CSRNP3: variants seen among roughly 807,000 people sequenced by gnomAD.
CSRNP3 encodes the protein cysteine and serine rich nuclear protein 3, also known as cysteine/serine-rich nuclear protein 3.
Under a neutral mutation model 48.0 loss-of-function variants are expected in CSRNP3, and 12 were observed. The observed-to-expected ratio is 0.25, with a 90% CI of 0.16 to 0.41. CSRNP3 has a LOEUF of 0.41. Among genes scored for constraint, CSRNP3 ranks in the 10% least tolerant of loss-of-function variants. The pLI is 1.00. For missense variants in CSRNP3, 580 were observed against 724.4 expected, an observed-to-expected ratio of 0.80 and a Z score of 2.29; for synonymous variants, 263 against 269.7, an observed-to-expected ratio of 0.98 and a Z score of 0.24.
At chr2:165,586,242 T>TTTGGTAAATTCATGATTCACCC (rs1212570456) in intron 3 of CSRNP3, among the ~76,000 whole-genome samples, 1 of 152,168 alleles carries the variant, frequency 6.6e-6, no homozygotes, top group Non-Finnish European at 1.5e-5. Context: ...ATGATTCACC[T>TTTGGTAAATTCATGATTCACCC]TTGGTAAATT....
intron 4 of CSRNP3, among the ~76,000 whole-genome samples, chr2:165,602,502 T>G (rs1360526704): frequency 1.3e-5 from 2 of 152,152 alleles, no homozygotes; most frequent in African/African-American, 4.8e-5. Flanking sequence ...AATCATTAGG[T>G]GTTTATTGTT....
intron 5 of CSRNP3, among the ~76,000 whole-genome samples, chr2:165,661,234 G>A (rs1404605503): frequency 6.6e-6 from 1 of 152,134 alleles, no homozygotes; most frequent in Non-Finnish European, 1.5e-5. Flanking sequence ...ACAAAATATA[G>A]ATGCCCCTCA....
At chr2:165,617,288 G>A (rs1164771691) in intron 4 of CSRNP3, among the ~76,000 whole-genome samples, 1 of 150,716 alleles carries the variant, frequency 6.6e-6, no homozygotes, top group Non-Finnish European at 1.5e-5. Flanking sequence ...GCTTCTTCCA[G>A]TTTTATGGAG....
chr2:165,658,084 A>G (rs10803800), intron 5 of CSRNP3, 64 bp downstream of exon 5: 1,124,785 of 1,526,266 alleles, frequency 0.74, 416,844 homozygotes, highest in South Asian at 0.78. Flanking sequence ...TGAGTTAACC[A>G]TTTTCATATT....
intron 2 of CSRNP3, among the ~76,000 whole-genome samples, chr2:165,516,846 G>C (rs1684589011): frequency 6.6e-6 from 1 of 152,088 alleles, no homozygotes; most frequent in African/African-American, 2.4e-5. Flanking sequence ...AAGGAAAAAA[G>C]AGAATCTTGG....
chr2:165,477,983 G>A (rs1221631459), intron 1 of CSRNP3, among the ~76,000 whole-genome samples: 2 of 147,902 alleles, frequency 1.4e-5, no homozygotes, highest in African/African-American at 5.0e-5. Context: ...TCAAAGAAAA[G>A]AAAGAAAGAA....
At position 165,679,467 on chromosome 2, in the gene CSRNP3, C is replaced by T. The variant is rs140687161; in HGVS notation, c.1472C>T (p.Ser491Phe). The change falls in exon 7 of 7, where the codon TCC (serine) becomes TTC (phenylalanine). Residue 491 changes from serine to phenylalanine, a missense_variant. Around this residue, in one of 4 missense-constraint regions of CSRNP3, gnomAD observed 369 missense variants for 380.8 expected, o/e 0.97. Coordinates refer to ENST00000651982, the MANE Select transcript of CSRNP3 (RefSeq NM_001172173.2). ...ARQAEEAYGA[S>F]HYPAANPSVI... is the part of the protein sequence containing the mutation. ...CAAGCAGAAGAGGCCTATGGTGCCTCCCACTACCCAGCTGCCAACCCCTCT... is the reference window on the plus strand; with the variant it reads ...CAAGCAGAAGAGGCCTATGGTGCCTTCCACTACCCAGCTGCCAACCCCTCT... The T allele has an allele frequency of 1.9e-6, 3 of 1,613,240 alleles. No homozygotes were observed. Among genetic ancestry groups the T allele is most frequent in the African/African-American group, 2.7e-5 (2 of 74,674 alleles).
At chr2:165,671,902 A>T (rs1299368722) in intron 5 of CSRNP3, among the ~76,000 whole-genome samples, 2 of 152,166 alleles carry the variant, frequency 1.3e-5, no homozygotes, top group Non-Finnish European at 2.9e-5. Flanking sequence ...ACATATCTCT[A>T]GAGCGGGGAA....
chr2:165,586,302 G>A (rs1309014400), intron 3 of CSRNP3, among the ~76,000 whole-genome samples: 1 of 152,070 alleles, frequency 6.6e-6, no homozygotes, highest in Non-Finnish European at 1.5e-5. Flanking sequence ...GGTTTCAAGG[G>A]CAGGAATTTT....
chr2:165,590,249 T>C (rs1685694644), intron 3 of CSRNP3, among the ~76,000 whole-genome samples: 1 of 152,202 alleles, frequency 6.6e-6, no homozygotes, highest in Non-Finnish European at 1.5e-5. Context: ...ATCTTCCTAT[T>C]GCTGTCAGTT....
At chr2:165,520,586 A>T (rs1278124818) in intron 3 of CSRNP3, among the ~76,000 whole-genome samples, 1 of 151,682 alleles carries the variant, frequency 6.6e-6, no homozygotes, top group Non-Finnish European at 1.5e-5. Flanking sequence ...GTCTTCCAAA[A>T]GGCAGGTATT....
chr2:165,514,311 G>T (rs1478677814), intron 2 of CSRNP3, among the ~76,000 whole-genome samples: 2 of 152,222 alleles, frequency 1.3e-5, no homozygotes, highest in African/African-American at 4.8e-5. Flanking sequence ...CAGTTTGGTT[G>T]TGATAACCTC....
chr2:165,592,438 A>G (rs1685733521), intron 3 of CSRNP3, among the ~76,000 whole-genome samples: 1 of 152,154 alleles, frequency 6.6e-6, no homozygotes, highest in South Asian at 2.1e-4. Context: ...TTGGAAAGCC[A>G]TGATTGTGTT....
chr2:165,613,700 G>T (rs1344774109), intron 4 of CSRNP3, among the ~76,000 whole-genome samples: 1 of 152,110 alleles, frequency 6.6e-6, no homozygotes, highest in Non-Finnish European at 1.5e-5. Flanking sequence ...TTGAAAACAG[G>T]TTGGCTGTAA....
Position 165,524,713 on chromosome 2 carries a change from C to T in CSRNP3, c.-24+6752C>T, listed in dbSNP as rs111973786. On this transcript the variant is annotated intron_variant, in intron 3 of 6. Transcript: ENST00000651982. Reference sequence around the variant, plus strand: ...ACACAGAGAATGTAATCTTTACCATCTGACCTCTTTCATAATGCATTGAGA... The same window carrying T: ...ACACAGAGAATGTAATCTTTACCATTTGACCTCTTTCATAATGCATTGAGA... Among the ~76,000 whole-genome samples, 19 of 152,304 alleles carry T rather than the reference C, an allele frequency of 1.2e-4. 2 individuals carry two copies. Among genetic ancestry groups the T allele is most frequent in the African/African-American group, 3.8e-4 (16 of 41,568 alleles).
chr2:165,541,668 C>T (rs1684959457), intron 3 of CSRNP3, among the ~76,000 whole-genome samples: 1 of 152,074 alleles, frequency 6.6e-6, no homozygotes, highest in Admixed American at 6.6e-5. Context: ...TATACAATAT[C>T]TCCTAAACTC....
At chr2:165,471,767 T>C (rs1574789543) in intron 1 of CSRNP3, among the ~76,000 whole-genome samples, 1 of 151,874 alleles carries the variant, frequency 6.6e-6, no homozygotes, top group South Asian at 2.1e-4. Context: ...CTGCAAGTCT[T>C]ATAAAAATGA....
Position 165,534,975 on chromosome 2 carries a change from C to T in CSRNP3, c.-24+17014C>T, listed in dbSNP as rs918935926. On this transcript the variant is annotated intron_variant, in intron 3 of 6. Coordinates refer to ENST00000651982, the MANE Select transcript of CSRNP3 (RefSeq NM_001172173.2). ...AATGCAGATGTTTAAGTCACCAAAACTTTCTATAAAAAATTATCAGATGAG... is the reference window on the plus strand; with the variant it reads ...AATGCAGATGTTTAAGTCACCAAAATTTTCTATAAAAAATTATCAGATGAG... 5.1e-4 allele frequency among the ~76,000 whole-genome samples: 77 copies of T among 151,562 alleles called. 4 individuals are homozygous for T. The highest frequency in any genetic ancestry group is 3.0e-5 in the Non-Finnish European group (2 of 67,738).
intron 3 of CSRNP3, among the ~76,000 whole-genome samples, chr2:165,592,871 G>A (rs1418382062): frequency 5.7e-5 from 8 of 141,322 alleles, no homozygotes; most frequent in East Asian, 2.1e-4. Context: ...GCGGGATCTC[G>A]GCTCACTGCA....
Sources: allele counts gnomAD v4.1 joint callset (sites outside exome capture counted in the v4.1 genomes callset), GRCh38; gene constraint gnomAD v4.1.1; regional missense constraint gnomAD v4.1.1; transcripts MANE v1.5; gene names NCBI Gene and HGNC (gene_info 2026-07-23, HGNC 2026-07-21).